SUN2: variants seen among roughly 807,000 people sequenced by gnomAD.
SUN2 encodes Sad1 and UNC84 domain containing 2.
Under a neutral mutation model 100.0 loss-of-function variants are expected in SUN2, and 60 were observed. That is an observed-to-expected ratio of 0.60 (90% CI 0.49 to 0.74). The LOEUF is 0.74. Among genes scored for constraint, SUN2 ranks in the 30% least tolerant of loss-of-function variants. The pLI, the probability that SUN2 is intolerant of heterozygous loss-of-function variation, is 0.00. For synonymous variants in SUN2, 367 were observed against 403.3 expected, an observed-to-expected ratio of 0.91 and a Z score of 1.08; for missense variants, 834 against 954.6, an observed-to-expected ratio of 0.87 and a Z score of 1.66.
Position 38,737,826 on chromosome 22 carries a change from C to A in SUN2, c.2040+347G>T. On this transcript the variant is annotated intron_variant, in intron 17 of 17. Transcript: ENST00000689035. This position sits in a 1 kb window ranked among gnomAD's most constrained non-coding sequence, Gnocchi z 4.1. ...ATGCACTGCCTGAGGCTCCAGCTGG[C>A]CATGGTAGAATGCCCGCGCCCTGGC... 1 of 493,692 alleles carries A rather than the reference C, an allele frequency of 2.0e-6. No individual in the cohort carries two copies. The highest frequency in any genetic ancestry group is 4.0e-6 in the Non-Finnish European group (1 of 249,730). The allele number at this position is 493,692 out of a possible 1,614,324, so 30.6% of individuals were successfully genotyped here.
At position 38,734,791 on chromosome 22, in the gene SUN2, T is replaced by C. The variant is rs2092786734; in HGVS notation, c.*1476A>G. On this transcript the variant is annotated 3_prime_UTR_variant, in exon 18 of 18. Transcript: ENST00000689035. Reference sequence around the variant, plus strand: ...AAATTAGGATCTGGAGATAAAAAACTTAAGAACCAATAGTGCAGCATTTGT... The same window carrying C: ...AAATTAGGATCTGGAGATAAAAAACCTAAGAACCAATAGTGCAGCATTTGT... 1 of 179,206 alleles carries C rather than the reference T, an allele frequency of 5.6e-6. No homozygotes were observed. Among genetic ancestry groups the C allele is most frequent in the African/African-American group, 2.4e-5 (1 of 41,582 alleles). The allele number at this position is 179,206 out of a possible 1,614,324, so 11.1% of individuals were successfully genotyped here.
chr22:38,751,557 G>C, intron 2 of SUN2, 184 bp from the exon 3 acceptor site: 1 of 614,886 alleles, frequency 1.6e-6, no homozygotes, highest in South Asian at 2.1e-5. Context: ...TGTTCTCTCT[G>C]AATCTCACCA....
At chr22:38,754,608 TCCCCC>T in intron 1 of SUN2, 1 of 448,708 alleles carries the variant, frequency 2.2e-6, no homozygotes, top group South Asian at 1.6e-5. Flanking sequence ...TAATCTCCCC[TCCCCC>T]CTCCCTGCCC....
At chr22:38,754,726 A>T (rs1484775739) in intron 1 of SUN2, 2 of 1,288,912 alleles carry the variant, frequency 1.6e-6, no homozygotes, top group South Asian at 1.2e-5. Flanking sequence ...GGGCAGAAAC[A>T]AGGCAACATG....
chr22:38,746,234 G>A (rs770501509), intron 7 of SUN2, among the ~76,000 whole-genome samples: 8 of 152,120 alleles, frequency 5.3e-5, no homozygotes, highest in East Asian at 1.9e-4. Flanking sequence ...GGGCCCCTGC[G>A]TAGGTGAGTT....
At chr22:38,751,549 TTC>T (rs2092946211) in intron 2 of SUN2, 176 bp from the exon 3 acceptor site, 1 of 635,494 alleles carries the variant, frequency 1.6e-6, no homozygotes, top group Admixed American at 3.0e-5. Context: ...TCCTCTCCTG[TTC>T]TCTCTGAATC....
Position 38,738,427 on chromosome 22 carries a change from G to A in SUN2, c.1947+160C>T. The A allele has an allele frequency of 3.5e-6, 4 of 1,154,874 alleles. 1 individual carries two copies. The South Asian group carries it at 4.4e-5, about 13-fold the overall frequency. 71.5% of individuals were successfully genotyped at this position (1,154,874 alleles called of 1,614,324 possible). A position where few individuals can be genotyped will look rare whatever the true frequency, so the allele number is the denominator to read the frequency against. ...ACAGTTTCTGCCTCCAAAGCCTAAG[G>A]TAACAGGGACTGAAGTGCTGTCTCC... On this transcript the variant is annotated intron_variant, in intron 16 of 17. Transcript: ENST00000689035. This position sits in a 1 kb window ranked among gnomAD's most constrained non-coding sequence, Gnocchi z 6.6.
Position 38,734,986 on chromosome 22 carries a change from A to G in SUN2, c.*1281T>C. ...CAGCCAGACCACCAGACACAGCCGG[A>G]ACCAGTGCCCCAGGCCCCTCTCCAC... On this transcript the variant is annotated 3_prime_UTR_variant, in exon 18 of 18. Transcript: ENST00000689035. 1 of 293,276 alleles carries G rather than the reference A, an allele frequency of 3.4e-6. No homozygotes were observed. The highest frequency in any genetic ancestry group is 6.7e-6 in the Non-Finnish European group (1 of 148,588). The allele number at this position is 293,276 out of a possible 1,614,324, so 18.2% of individuals were successfully genotyped here.
chr22:38,750,248 A>C lies in SUN2; in HGVS notation c.497T>G (p.Leu166Arg). 1.2e-6 allele frequency: 2 copies of C among 1,613,370 alleles called. No individual in the cohort carries two copies. Among genetic ancestry groups the C allele is most frequent in the Non-Finnish European group, 1.7e-6 (2 of 1,179,530 alleles). Reference sequence around the variant, plus strand: ...ACCTGGCGAAGTGGCCACCATCCAGAGTAAGGAGCCCGCCCGTGAGACGGC... The same window carrying C: ...ACCTGGCGAAGTGGCCACCATCCAGCGTAAGGAGCCCGCCCGTGAGACGGC... ...RSAVSRAGSL[L>R]WMVATSPGRL... is the part of the protein sequence containing the mutation. The change falls in exon 5 of 18, where the codon CTC becomes CGC. Residue 166 changes from leucine to arginine, a missense_variant. By Grantham distance (102) the Leu-to-Arg change is moderately radical. Transcript: ENST00000689035.
In SUN2 at chr22:38,742,406, A is replaced by G. The variant is rs1358004757; in HGVS notation, c.963T>C (p.Gly321=). Reference sequence around the variant, plus strand: ...CCAGGGTGTCCTCGTGGCTCAGGCCACCACCACCTCCCTGGCCAGGAGCCC... The same window carrying G: ...CCAGGGTGTCCTCGTGGCTCAGGCCGCCACCACCTCCCTGGCCAGGAGCCC... ...RQGAPGQGGG[G]GLSHEDTLAL... Residue 321 remains glycine (G), a synonymous_variant, in exon 9 of 18, where the codon GGT becomes GGC. Transcript: ENST00000689035. The G allele has an allele frequency of 4.3e-6, 7 of 1,613,272 alleles. No individual in the cohort carries two copies. The highest frequency in any genetic ancestry group is 5.9e-6 in the Non-Finnish European group (7 of 1,179,942).
At chr22:38,752,457 CA>C (rs1158376127) in intron 2 of SUN2, 49 bp downstream of exon 2, 21 of 1,566,428 alleles carry the variant, frequency 1.3e-5, no homozygotes, top group Non-Finnish European at 1.7e-5. Context: ...GGGCAGTGAC[CA>C]AAAGCTTGTG....
chr22:38,751,517 T>C, intron 2 of SUN2, 144 bp from the exon 3 acceptor site: 2 of 779,730 alleles, frequency 2.6e-6, no homozygotes, highest in South Asian at 1.7e-5. Context: ...GCCATTCCCC[T>C]GACTCTCCCA....
chr22:38,741,387 A>AT, intron 10 of SUN2, 107 bp downstream of exon 10: 1 of 1,180,516 alleles, frequency 8.5e-7, no homozygotes. Flanking sequence ...TCCCCTCCCC[A>AT]TGCAACACCC....
In SUN2 at chr22:38,739,179, C is replaced by A; in HGVS notation, c.1663+163G>T. 1.1e-6 allele frequency: 1 copy of A among 925,220 alleles called. No homozygotes were observed. Among genetic ancestry groups the A allele is most frequent in the South Asian group, 1.5e-5 (1 of 65,530 alleles). The allele number at this position is 925,220 out of a possible 1,614,324, so 57.3% of individuals were successfully genotyped here. On this transcript the variant is annotated intron_variant, in intron 14 of 17. Transcript: ENST00000689035. This position sits in a 1 kb window ranked among gnomAD's most constrained non-coding sequence, Gnocchi z 6.7. ...CAGGATGGTACTCGGTACGTCCTGA[C>A]TTCCCTGAATTGCCACTTGCCTTTG...
Position 38,738,278 on chromosome 22 carries a change from C to A in SUN2, c.1948-13G>T. On this transcript the variant is annotated splice_polypyrimidine_tract_variant and intron_variant, in intron 16 of 17. Transcript: ENST00000689035. The surrounding 1 kb of genome is among the most constrained non-coding windows in gnomAD (Gnocchi z 6.6). ...CTTCGTCAAACCCCTGCAAAGAGAG[C>A]GGAGGGAAGTGGGGAGGGGCTGGAG... The A allele has an allele frequency of 6.2e-7, 1 of 1,610,394 alleles. No individual in the cohort carries two copies. The highest frequency in any genetic ancestry group is 1.1e-5 in the South Asian group (1 of 90,946).
Position 38,739,689 on chromosome 22 carries a change from G to A in SUN2, c.1578+33C>T. On this transcript the variant is annotated intron_variant, in intron 13 of 17. Transcript: ENST00000689035. The surrounding 1 kb of genome is among the most constrained non-coding windows in gnomAD (Gnocchi z 6.7). Reference sequence around the variant, plus strand: ...GGGCTCCCAGGGAGGAGAGCTGTGGGTGGGTGTGTGGAGAGGGGCATGTGG... The same window carrying A: ...GGGCTCCCAGGGAGGAGAGCTGTGGATGGGTGTGTGGAGAGGGGCATGTGG... 3 of 1,603,652 alleles carry A rather than the reference G, an allele frequency of 1.9e-6. No homozygotes were observed. Among genetic ancestry groups the A allele is most frequent in the African/African-American group, 1.3e-5 (1 of 74,906 alleles).
At chr22:38,753,684 C>T (rs532091614) in intron 1 of SUN2, among the ~76,000 whole-genome samples, 78 of 152,208 alleles carry the variant, frequency 5.1e-4, no homozygotes, top group African/African-American at 1.7e-3. Flanking sequence ...CTGCTGGGAC[C>T]GGGCTCCTTG....
intron 5 of SUN2, 107 bp downstream of exon 5, chr22:38,750,118 A>AT: frequency 1.3e-6 from 2 of 1,487,102 alleles, no homozygotes; most frequent in Middle Eastern, 1.8e-4. Flanking sequence ...CCTTTCCCCA[A>AT]TGGTCCTACA....
In SUN2 at chr22:38,739,469, C is replaced by T. The variant is rs772614064; in HGVS notation, c.1579-43G>A. On this transcript the variant is annotated intron_variant, in intron 13 of 17. Coordinates refer to ENST00000689035, the MANE Select transcript of SUN2 (RefSeq NM_015374.3). This position sits in a 1 kb window ranked among gnomAD's most constrained non-coding sequence, Gnocchi z 6.7. ...GGAGACGGTTGCAGCAGGGAGCAGA[C>T]GTGTCCCCCTGTCACCTCGTGGCCG... The T allele has an allele frequency of 6.0e-5, 96 of 1,603,614 alleles. No homozygotes were observed. Among genetic ancestry groups the T allele is most frequent in the Non-Finnish European group, 7.2e-5 (84 of 1,172,734 alleles).
Sources: allele counts gnomAD v4.1 joint callset (sites outside exome capture counted in the v4.1 genomes callset), GRCh38; gene constraint gnomAD v4.1.1; non-coding constraint Gnocchi (gnomAD v3.1); transcripts MANE v1.5; gene names NCBI Gene and HGNC (gene_info 2026-07-23, HGNC 2026-07-21).